PCNX2: variants seen among roughly 807,000 people sequenced by gnomAD.
The protein encoded by PCNX2 is pecanex 2.
PCNX2 carries 168 observed loss-of-function variants against 223.8 expected under a neutral mutation model. That is an observed-to-expected ratio of 0.75 (90% CI 0.66 to 0.85). PCNX2 has a LOEUF of 0.85. PCNX2 is among the 40% of genes least tolerant of loss of function. The pLI is 0.00. For missense variants in PCNX2, 2,507 were observed against 2,675.5 expected (o/e 0.94, Z 1.39); for synonymous variants, 1,006 against 1,052.6 (o/e 0.96, Z 0.86).
intron 17 of PCNX2, chr1:233,172,499 A>T: frequency 2.0e-6 from 2 of 985,318 alleles, no homozygotes; most frequent in Non-Finnish European, 2.4e-6. Context: ...CCTGGTGTGG[A>T]GGGTGGTAGA....
At chr1:233,028,781 A>G (rs1403380078) in intron 25 of PCNX2, among the ~76,000 whole-genome samples, 1 of 151,010 alleles carries the variant, frequency 6.6e-6, no homozygotes, top group Non-Finnish European at 1.5e-5. Context: ...GTGAAAGTCT[A>G]CTATTTTCCT....
At chr1:233,058,017 T>A in intron 23 of PCNX2, 1 of 985,422 alleles carries the variant, frequency 1.0e-6, no homozygotes, top group Non-Finnish European at 1.2e-6. Context: ...GGTATACTCT[T>A]ATAGACCTTT....
chr1:233,247,164 A>G (rs775017500), intron 8 of PCNX2, among the ~76,000 whole-genome samples: 1 of 152,226 alleles, frequency 6.6e-6, no homozygotes, highest in African/African-American at 2.4e-5. Context: ...AATTAAACAG[A>G]TGGTAGTGCC....
intron 19 of PCNX2, among the ~76,000 whole-genome samples, chr1:233,150,690 T>G (rs1181688679): frequency 6.6e-6 from 1 of 152,206 alleles, no homozygotes; most frequent in African/African-American, 2.4e-5. Flanking sequence ...GAAATTCATT[T>G]GATACAAAGT....
chr1:233,293,581 G>C (rs1232830726), intron 1 of PCNX2, among the ~76,000 whole-genome samples: 2 of 152,148 alleles, frequency 1.3e-5, no homozygotes, highest in African/African-American at 4.8e-5. Flanking sequence ...ATACAGAATG[G>C]TATAAGGGCA....
intron 25 of PCNX2, among the ~76,000 whole-genome samples, chr1:233,035,436 C>G (rs909803890): frequency 6.4e-4 from 98 of 152,096 alleles, no homozygotes; most frequent in Non-Finnish European, 1.3e-4. Context: ...TATATTTTAG[C>G]TGAGTTTTAA....
intron 15 of PCNX2, among the ~76,000 whole-genome samples, chr1:233,190,307 G>C (rs1262372783): frequency 6.6e-6 from 1 of 152,190 alleles, no homozygotes; most frequent in African/African-American, 2.4e-5. Context: ...CTCTGGGTAA[G>C]TGGGAGTTTG....
chr1:233,036,167 C>A (rs1374894967), intron 25 of PCNX2, among the ~76,000 whole-genome samples: 1 of 152,108 alleles, frequency 6.6e-6, no homozygotes, highest in Admixed American at 6.5e-5. Context: ...TGGCGGGGAA[C>A]TTTCTCAGCT....
chr1:233,048,482 C>T (rs1166640939), intron 25 of PCNX2, among the ~76,000 whole-genome samples: 1 of 152,114 alleles, frequency 6.6e-6, no homozygotes, highest in Non-Finnish European at 1.5e-5. Flanking sequence ...AGAGACACAA[C>T]ATACCAAAAT....
At chr1:233,170,210 A>G (rs1045849594) in intron 17 of PCNX2, among the ~76,000 whole-genome samples, 2 of 152,162 alleles carry the variant, frequency 1.3e-5, no homozygotes, top group Non-Finnish European at 2.9e-5. Context: ...CATGTCTTAA[A>G]CTTTATGTTA....
chr1:233,191,058 C>T (rs376508445), intron 15 of PCNX2, among the ~76,000 whole-genome samples: 2 of 152,290 alleles, frequency 1.3e-5, no homozygotes, highest in East Asian at 3.9e-4. Flanking sequence ...ACCCAAGATA[C>T]TCTATTTTTT....
intron 8 of PCNX2, among the ~76,000 whole-genome samples, chr1:233,245,112 C>A (rs549433461): frequency 6.6e-6 from 1 of 152,360 alleles, no homozygotes; most frequent in South Asian, 2.1e-4. Context: ...CCTGCTGTCC[C>A]TCACCCCAGA....
At chr1:233,041,625 G>C (rs1671648865) in intron 25 of PCNX2, among the ~76,000 whole-genome samples, 1 of 152,194 alleles carries the variant, frequency 6.6e-6, no homozygotes, top group South Asian at 2.1e-4. Context: ...ATAAAACCCA[G>C]CACTCTGGGT....
At chr1:233,048,116 G>A (rs1199039669) in intron 25 of PCNX2, among the ~76,000 whole-genome samples, 3 of 151,962 alleles carry the variant, frequency 2.0e-5, no homozygotes, top group African/African-American at 7.3e-5. Context: ...TGACTTTTGG[G>A]TAAACAACAA....
chr1:233,251,612 T>C (rs1198559055), intron 7 of PCNX2, among the ~76,000 whole-genome samples: 3 of 152,248 alleles, frequency 2.0e-5, no homozygotes, highest in African/African-American at 7.2e-5. Context: ...AGTGCTAATG[T>C]TGTTCTTTAT....
chr1:233,038,833 C>G (rs546483645), intron 25 of PCNX2, among the ~76,000 whole-genome samples: 2 of 152,294 alleles, frequency 1.3e-5, no homozygotes, highest in African/African-American at 4.8e-5. Context: ...TTAAATGTCC[C>G]CACAGGCCAG....
rs71173251 is a variant in PCNX2 at position 233,119,403 on chromosome 1, C to CAAAAAAAAAA, written c.3837+15600_3837+15609dup. Among the ~76,000 whole-genome samples, 236 of 38,624 alleles carry CAAAAAAAAAA rather than the reference C, an allele frequency of 6.1e-3. 2 individuals carry two copies. Among genetic ancestry groups the CAAAAAAAAAA allele is most frequent in the Non-Finnish European group, 7.2e-3 (166 of 23,024 alleles). 25.3% of individuals were successfully genotyped at this position (38,624 alleles called of 152,430 possible). ...TGAAACCCCGTCTCTACTAAAAATACAAAAAAAAAAAAAAAAAAAAAAAAA... is the reference window on the plus strand; with the variant it reads ...TGAAACCCCGTCTCTACTAAAAATACAAAAAAAAAAAAAAAAAAAAAAAAAAAAAAAAAAA... On this transcript the variant is annotated intron_variant, in intron 21 of 33. Coordinates refer to ENST00000258229, the MANE Select transcript of PCNX2 (RefSeq NM_014801.4).
At position 233,126,027 on chromosome 1, in the gene PCNX2, T is replaced by G. The variant is rs1306863535; in HGVS notation, c.3837+8986A>C. The stretch of plus-strand genomic sequence containing the variant: ...GAGTTCAAGACCAGCCTGACCAACA[T>G]GGTGAAACCCCATCTCTAATAAAAA... On this transcript the variant is annotated intron_variant, in intron 21 of 33. Coordinates refer to ENST00000258229, the MANE Select transcript of PCNX2 (RefSeq NM_014801.4). The surrounding 1 kb of genome is among the most constrained non-coding windows in gnomAD (Gnocchi z 4.8). 1 of 152,200 alleles carries G rather than the reference T, an allele frequency of 6.6e-6. No individual in the cohort carries two copies. The highest frequency in any genetic ancestry group is 1.5e-5 in the Non-Finnish European group (1 of 68,076). 9.4% of individuals were successfully genotyped at this position (152,200 alleles called of 1,614,324 possible). A position where few individuals can be genotyped will look rare whatever the true frequency, so the allele number is the denominator to read the frequency against.
intron 13 of PCNX2, chr1:233,202,384 A>C (rs1681171379): frequency 4.1e-6 from 1 of 246,560 alleles, no homozygotes; most frequent in Non-Finnish European, 8.7e-6. Flanking sequence ...TTTCTTTTTA[A>C]GCAAAATTCA....
Sources: allele counts gnomAD v4.1 joint callset (sites outside exome capture counted in the v4.1 genomes callset), GRCh38; gene constraint gnomAD v4.1.1; non-coding constraint Gnocchi (gnomAD v3.1); transcripts MANE v1.5; gene names NCBI Gene and HGNC (gene_info 2026-07-23, HGNC 2026-07-21).